KCNIP4: variants seen among roughly 807,000 people sequenced by gnomAD.
KCNIP4 encodes potassium voltage-gated channel interacting protein 4.
KCNIP4 carries 12 observed loss-of-function variants against 34.0 expected under a neutral mutation model. The ratio of observed to expected loss-of-function variants is 0.35; its 90% confidence interval spans 0.23 to 0.57. The LOEUF (loss-of-function observed/expected upper bound fraction) is 0.57. KCNIP4 is among the 20% of genes least tolerant of loss of function. The pLI is 0.83. For synonymous variants in KCNIP4, 124 were observed against 102.2 expected (o/e 1.21, Z -1.29); for missense variants, 238 against 311.7 (o/e 0.76, Z 1.78).
At chr4:20,971,659 A>G (rs1310920455) in intron 1 of KCNIP4, among the ~76,000 whole-genome samples, 1 of 152,214 alleles carries the variant, frequency 6.6e-6, no homozygotes, top group Non-Finnish European at 1.5e-5. Context: ...CAAGTATAAT[A>G]TTTTTGCTGG....
chr4:20,853,837 C>T (rs180976019), intron 2 of KCNIP4, among the ~76,000 whole-genome samples: 1 of 152,198 alleles, frequency 6.6e-6, no homozygotes, highest in Non-Finnish European at 1.5e-5. Flanking sequence ...AAGCTAAAGA[C>T]ATGAATGGAC....
At chr4:21,812,630 C>T (rs1416203507) in intron 1 of KCNIP4, among the ~76,000 whole-genome samples, 5 of 152,050 alleles carry the variant, frequency 3.3e-5, no homozygotes, top group Admixed American at 1.3e-4. Context: ...ACTCAAATTG[C>T]AAAAAATAAG....
chr4:21,526,845 A>G (rs1196166309), intron 1 of KCNIP4, among the ~76,000 whole-genome samples: 1 of 152,180 alleles, frequency 6.6e-6, no homozygotes, highest in Non-Finnish European at 1.5e-5. Context: ...TCATTGAAAC[A>G]ACTCACTCCT....
At chr4:20,950,794 A>T (rs1208951916) in intron 1 of KCNIP4, among the ~76,000 whole-genome samples, 1 of 152,070 alleles carries the variant, frequency 6.6e-6, no homozygotes, top group Non-Finnish European at 1.5e-5. Flanking sequence ...TCTTCAAACC[A>T]ATTTGATGCT....
chr4:20,864,079 T>A (rs930448748), intron 2 of KCNIP4, among the ~76,000 whole-genome samples: 2 of 151,694 alleles, frequency 1.3e-5, no homozygotes, highest in African/African-American at 4.8e-5. Context: ...TACGTATGTA[T>A]GTATGTATAT....
At chr4:21,051,752 G>A (rs908890875) in intron 1 of KCNIP4, among the ~76,000 whole-genome samples, 5 of 152,104 alleles carry the variant, frequency 3.3e-5, no homozygotes, top group Non-Finnish European at 7.3e-5. Flanking sequence ...TATTGCAAAA[G>A]ATACTTGGAA....
intron 1 of KCNIP4, among the ~76,000 whole-genome samples, chr4:21,513,026 T>G (rs1230611641): frequency 6.6e-6 from 1 of 152,174 alleles, no homozygotes; most frequent in African/African-American, 2.4e-5. Context: ...AGATAAATGC[T>G]GTTACATTGT....
At chr4:20,976,573 A>G (rs1348614134) in intron 1 of KCNIP4, among the ~76,000 whole-genome samples, 1 of 152,070 alleles carries the variant, frequency 6.6e-6, no homozygotes, top group Non-Finnish European at 1.5e-5. Context: ...TTCAACTCAA[A>G]TCTGTCTGCT....
intron 1 of KCNIP4, among the ~76,000 whole-genome samples, chr4:21,045,468 C>G (rs1436871137): frequency 6.6e-6 from 1 of 152,206 alleles, no homozygotes; most frequent in Non-Finnish European, 1.5e-5. Context: ...TTCCTTTCTT[C>G]CATCTTTCAT....
intron 1 of KCNIP4, among the ~76,000 whole-genome samples, chr4:21,260,494 T>G (rs1761400912): frequency 6.6e-6 from 1 of 152,184 alleles, no homozygotes; most frequent in South Asian, 2.1e-4. Context: ...CACTTGGATG[T>G]AGGGCTTGAG....
intron 1 of KCNIP4, among the ~76,000 whole-genome samples, chr4:21,334,105 C>T (rs1407408830): frequency 6.6e-6 from 1 of 151,980 alleles, no homozygotes; most frequent in African/African-American, 2.4e-5. Context: ...ATTCATAGAA[C>T]ACCTAACTGG....
intron 1 of KCNIP4, among the ~76,000 whole-genome samples, chr4:21,193,660 C>G (rs1755845796): frequency 6.7e-6 from 1 of 149,512 alleles, no homozygotes; most frequent in South Asian, 2.1e-4. Context: ...CAAGCTCCGC[C>G]TCCTGGGTTC....
chr4:21,146,544 A>G (rs1752371146), intron 1 of KCNIP4, among the ~76,000 whole-genome samples: 1 of 152,224 alleles, frequency 6.6e-6, no homozygotes, highest in South Asian at 2.1e-4. Context: ...AGTCTGCTGT[A>G]CTTCTAAAGT....
intron 1 of KCNIP4, among the ~76,000 whole-genome samples, chr4:21,698,137 T>A (rs1712539602): frequency 6.6e-6 from 1 of 152,160 alleles, no homozygotes; most frequent in South Asian, 2.1e-4. Flanking sequence ...TACCACCAAA[T>A]GGGGACAATG....
intron 1 of KCNIP4, among the ~76,000 whole-genome samples, chr4:21,075,031 A>T (rs1229375266): frequency 6.6e-6 from 1 of 152,106 alleles, no homozygotes; most frequent in Admixed American, 6.6e-5. Context: ...GTTCTTTTAC[A>T]TTTGCTGAGG....
At chr4:21,945,911 T>C (rs1429585839) in intron 1 of KCNIP4, among the ~76,000 whole-genome samples, 1 of 150,940 alleles carries the variant, frequency 6.6e-6, no homozygotes, top group Non-Finnish European at 1.5e-5. Flanking sequence ...AGAAACCTTC[T>C]CTACTTGTAT....
chr4:21,131,227 AGAATCCTATAAAC>A (rs1352090063), intron 1 of KCNIP4, among the ~76,000 whole-genome samples: 4 of 152,240 alleles, frequency 2.6e-5, no homozygotes, highest in African/African-American at 9.6e-5. Flanking sequence ...TGTAGCAACA[AGAATCCTATAAAC>A]GCATGCAATG....
In KCNIP4 at chr4:20,891,570, A is replaced by T. The variant is rs192550510; in HGVS notation, c.62-8861T>A. ...CAGTGAGCCAAGATCACGCCACGGC[A>T]CTCTAGCCTGGAGACAGAGTGAGAC... On this transcript the variant is annotated intron_variant, in intron 1 of 8. Transcript: ENST00000382152. Among the ~76,000 whole-genome samples the T allele has an allele frequency of 2.1e-3, 323 of 152,224 alleles. 1 individual carries two copies. The highest frequency in any genetic ancestry group is 0.01 in the Middle Eastern group (3 of 294).
chr4:20,834,363 G>T (rs1342267977), intron 3 of KCNIP4, among the ~76,000 whole-genome samples: 3 of 152,180 alleles, frequency 2.0e-5, no homozygotes, highest in East Asian at 1.9e-4. Context: ...ACAGGGTACT[G>T]GGTATATGTG....
Sources: allele counts gnomAD v4.1 joint callset (sites outside exome capture counted in the v4.1 genomes callset), GRCh38; gene constraint gnomAD v4.1.1; transcripts MANE v1.5; gene names NCBI Gene and HGNC (gene_info 2026-07-23, HGNC 2026-07-21).